Variants in TMPRSS15 observed in about 807,000 individuals in gnomAD.
The protein encoded by TMPRSS15 is transmembrane serine protease 15, also known as enteropeptidase.
TMPRSS15 carries 128 observed loss-of-function variants against 125.3 expected under a neutral mutation model. That is an observed-to-expected ratio of 1.02 (90% CI 0.89 to 1.18). The LOEUF (loss-of-function observed/expected upper bound fraction) is 1.18, where lower values mean the gene tolerates loss of function less well. TMPRSS15 is among the 50% of genes most tolerant of loss of function. The pLI is 0.00. For synonymous variants in TMPRSS15, 446 were observed against 423.2 expected (o/e 1.05, Z -0.66); for missense variants, 1,283 against 1,212.7 (o/e 1.06, Z -0.86).
intron 17 of TMPRSS15, among the ~76,000 whole-genome samples, chr21:18,313,347 C>A (rs932818830): frequency 2.2e-4 from 30 of 138,340 alleles, no homozygotes; most frequent in African/African-American, 7.0e-4. Context: ...CTCTCTCTCT[C>A]TCTATATATA....
intron 18 of TMPRSS15, among the ~76,000 whole-genome samples, chr21:18,300,112 T>C (rs2074949120): frequency 1.9e-5 from 1 of 51,640 alleles, no homozygotes; most frequent in African/African-American, 8.8e-5. Context: ...CACTTATCTA[T>C]AGCTCGTCTC....
At chr21:18,342,474 A>G (rs938670369) in intron 12 of TMPRSS15, among the ~76,000 whole-genome samples, 4 of 152,246 alleles carry the variant, frequency 2.6e-5, no homozygotes, top group African/African-American at 9.6e-5. Context: ...GCCAAAGTGC[A>G]CGTATCTGTA....
At chr21:18,346,939 C>T (rs889648596) in intron 10 of TMPRSS15, among the ~76,000 whole-genome samples, 6 of 152,128 alleles carry the variant, frequency 3.9e-5, no homozygotes, top group Non-Finnish European at 5.9e-5. Flanking sequence ...TGTCATTTTC[C>T]GGCTATTGCA....
chr21:18,471,595 G>A (rs1978782041), intron 1 of TMPRSS15, among the ~76,000 whole-genome samples: 1 of 152,050 alleles, frequency 6.6e-6, no homozygotes, highest in African/African-American at 2.4e-5. Context: ...AAGTATGTGG[G>A]ATAGACACGG....
rs1396996226 is a variant in TMPRSS15 at position 18,269,755 on chromosome 21, T to TTTAA, written c.*210_*213dup. 3 of 519,474 alleles carry TTTAA rather than the reference T, an allele frequency of 5.8e-6. No individual in the cohort carries two copies. Among genetic ancestry groups the TTTAA allele is most frequent in the African/African-American group, 5.8e-5 (3 of 52,146 alleles). 32.2% of individuals were successfully genotyped at this position (519,474 alleles called of 1,614,324 possible). A position where few individuals can be genotyped will look rare whatever the true frequency, so the allele number is the denominator to read the frequency against. ...CTGTTCACAATGAAATACAAATGTATTTAATGGTATTTTAAAGTTATTCTG... is the reference window on the plus strand; with the variant it reads ...CTGTTCACAATGAAATACAAATGTATTTAATTAATGGTATTTTAAAGTTATTCTG... On this transcript the variant is annotated 3_prime_UTR_variant, in exon 25 of 25. Coordinates refer to ENST00000284885, the MANE Select transcript of TMPRSS15 (RefSeq NM_002772.3).
At chr21:18,370,407 T>C (rs1433196307) in intron 6 of TMPRSS15, among the ~76,000 whole-genome samples, 1 of 152,182 alleles carries the variant, frequency 6.6e-6, no homozygotes, top group East Asian at 1.9e-4. Flanking sequence ...TTAAGGATAT[T>C]GATCATCATT....
At chr21:18,418,604 C>T (rs1353425635) in intron 1 of TMPRSS15, among the ~76,000 whole-genome samples, 1 of 152,138 alleles carries the variant, frequency 6.6e-6, no homozygotes, top group South Asian at 2.1e-4. Context: ...TGTAGCCCTG[C>T]CCATTCATCT....
At chr21:18,462,783 A>G (rs2122953435) in intron 1 of TMPRSS15, among the ~76,000 whole-genome samples, 7 of 152,180 alleles carry the variant, frequency 4.6e-5, no homozygotes, top group African/African-American at 1.7e-4. Flanking sequence ...ATGAAGGAAA[A>G]AAAAATTTTA....
chr21:18,368,207 G>A (rs927594158), intron 6 of TMPRSS15, among the ~76,000 whole-genome samples: 4 of 152,122 alleles, frequency 2.6e-5, no homozygotes, highest in South Asian at 2.1e-4. Context: ...TGTTCACTAC[G>A]CATTTTTTTG....
intron 4 of TMPRSS15, among the ~76,000 whole-genome samples, chr21:18,379,828 A>ACC: frequency 1.3e-5 from 2 of 152,200 alleles, no homozygotes; most frequent in South Asian, 4.1e-4. Flanking sequence ...TCTCTACAAA[A>ACC]TCATTCTGAT....
chr21:18,359,322 A>G (rs1245124424), intron 8 of TMPRSS15, among the ~76,000 whole-genome samples: 4 of 152,048 alleles, frequency 2.6e-5, no homozygotes, highest in Admixed American at 6.6e-5. Flanking sequence ...TAGCCACTTT[A>G]TTAGTAATAG....
At chr21:18,385,781 G>A (rs1389100414) in intron 3 of TMPRSS15, among the ~76,000 whole-genome samples, 1 of 151,660 alleles carries the variant, frequency 6.6e-6, no homozygotes, top group Non-Finnish European at 1.5e-5. Flanking sequence ...GTCTCTCTCT[G>A]GGGCCAGGCT....
intron 1 of TMPRSS15, among the ~76,000 whole-genome samples, chr21:18,479,240 T>C (rs1978935708): frequency 6.7e-6 from 1 of 150,174 alleles, no homozygotes; most frequent in African/African-American, 2.5e-5. Flanking sequence ...TCCTATATGA[T>C]TGGAATCTAC....
intron 1 of TMPRSS15, among the ~76,000 whole-genome samples, chr21:18,467,641 T>A (rs1319332611): frequency 1.3e-5 from 2 of 151,774 alleles, no homozygotes; most frequent in African/African-American, 4.8e-5. Flanking sequence ...AGGGAAGAAA[T>A]AAAGTAGAAT....
intron 3 of TMPRSS15, among the ~76,000 whole-genome samples, chr21:18,387,754 G>A (rs2075958068): frequency 6.6e-6 from 1 of 151,944 alleles, no homozygotes; most frequent in African/African-American, 2.4e-5. Flanking sequence ...TAGTATTGGA[G>A]TGCTAGAATT....
chr21:18,471,008 A>G (rs1978768853), intron 1 of TMPRSS15, among the ~76,000 whole-genome samples: 1 of 151,974 alleles, frequency 6.6e-6, no homozygotes, highest in Admixed American at 6.6e-5. Context: ...TACTTCTTAC[A>G]TCTCTATTAC....
intron 1 of TMPRSS15, among the ~76,000 whole-genome samples, chr21:18,428,058 G>A (rs375653936): frequency 1.1e-4 from 16 of 152,184 alleles, no homozygotes; most frequent in African/African-American, 3.6e-4. Flanking sequence ...GAGTTACAAT[G>A]GGAAACTTCT....
intron 13 of TMPRSS15, among the ~76,000 whole-genome samples, chr21:18,338,073 C>T (rs1419683783): frequency 1.3e-5 from 2 of 151,970 alleles, no homozygotes; most frequent in African/African-American, 4.8e-5. Context: ...CATAAAGGTG[C>T]TATCTTTTTC....
rs2122954655 is a variant in TMPRSS15 at position 18,464,519 on chromosome 21, G to A, written c.10+21280C>T. Among the ~76,000 whole-genome samples the A allele has an allele frequency of 2.6e-5, 4 of 152,010 alleles. No individual in the cohort carries two copies. The East Asian group carries it at 7.7e-4, about 29-fold the overall frequency. ...AACAAAATAGATAGACTGCTAGTCA[G>A]ATTAATAAAGAAGAGAGAGAAGAAT... On this transcript the variant is annotated intron_variant, in intron 1 of 7. Transcript: ENST00000422787.
Sources: allele counts gnomAD v4.1 joint callset (sites outside exome capture counted in the v4.1 genomes callset), GRCh38; gene constraint gnomAD v4.1.1; transcripts MANE v1.5; gene names NCBI Gene and HGNC (gene_info 2026-07-23, HGNC 2026-07-21).